Variants in DESI1 observed in about 807,000 individuals in gnomAD.
DESI1 encodes desumoylating isopeptidase 1.
DESI1 carries 17 observed loss-of-function variants against 22.4 expected under a neutral mutation model. The ratio of observed to expected loss-of-function variants is 0.76; its 90% CI spans 0.52 to 1.14. The LOEUF (loss-of-function observed/expected upper bound fraction) is 1.14, where lower values mean the gene tolerates loss of function less well. DESI1 is among the 50% of genes most tolerant of loss of function. DESI1 has a pLI of 0.00. For missense variants in DESI1, 177 were observed against 208.9 expected (o/e 0.85, Z 0.94); for synonymous variants, 92 against 84.2 (o/e 1.09, Z -0.51).
At chr22:41,608,039 T>C (rs1360190463) in intron 1 of DESI1, among the ~76,000 whole-genome samples, 178 bp from the exon 2 acceptor site, 1 of 152,214 alleles carries the variant, frequency 6.6e-6, no homozygotes, top group Non-Finnish European at 1.5e-5. Flanking sequence ...TGTAAGTAAG[T>C]TGAAAAGTAA....
chr22:41,612,130 G>A (rs563038160), intron 1 of DESI1, among the ~76,000 whole-genome samples: 1 of 152,170 alleles, frequency 6.6e-6, no homozygotes, highest in African/African-American at 2.4e-5. Flanking sequence ...CTTACTAGGT[G>A]GGGGGAGGGG....
chr22:41,617,034 G>A (rs1202146433), intron 1 of DESI1, among the ~76,000 whole-genome samples: 2 of 152,226 alleles, frequency 1.3e-5, no homozygotes, highest in Non-Finnish European at 2.9e-5. Flanking sequence ...TAGATTGTAA[G>A]TGGCACATAC....
At chr22:41,602,536 T>G in intron 5 of DESI1, 1 of 985,440 alleles carries the variant, frequency 1.0e-6, no homozygotes, top group East Asian at 1.1e-4. Context: ...GGATCTCTGT[T>G]AAATAAGGCC....
intron 1 of DESI1, among the ~76,000 whole-genome samples, chr22:41,611,479 T>C (rs911925612): frequency 5.3e-5 from 8 of 152,192 alleles, no homozygotes; most frequent in Non-Finnish European, 1.0e-4. Context: ...TGAACTGTCA[T>C]TTATAAATCA....
At chr22:41,604,240 T>C (rs1601509074) in intron 3 of DESI1, 87 bp from the exon 4 acceptor site, 1 of 642,842 alleles carries the variant, frequency 1.6e-6, no homozygotes, top group Non-Finnish European at 2.5e-6. Context: ...CCACAAACAC[T>C]CTGTTCTGAC....
intron 1 of DESI1, among the ~76,000 whole-genome samples, chr22:41,617,831 G>C (rs1386269283): frequency 6.6e-6 from 1 of 152,140 alleles, no homozygotes; most frequent in Admixed American, 6.5e-5. Flanking sequence ...GAGTGGGAAG[G>C]GGGCAGGTCT....
chr22:41,610,613 C>G (rs994011703), intron 1 of DESI1, among the ~76,000 whole-genome samples: 1 of 152,118 alleles, frequency 6.6e-6, no homozygotes, highest in African/African-American at 2.4e-5. Flanking sequence ...ATCTGCTGCT[C>G]TGGCCCGGAA....
At chr22:41,615,146 C>T (rs1229036479) in intron 1 of DESI1, among the ~76,000 whole-genome samples, 10 of 147,158 alleles carry the variant, frequency 6.8e-5, no homozygotes, top group Non-Finnish European at 1.3e-4. Context: ...AAAAAAAATA[C>T]AGGCCGGGCG....
At chr22:41,602,197 AAAGGAATG>A in intron 5 of DESI1, 11 of 984,856 alleles carry the variant, frequency 1.1e-5, no homozygotes, top group Non-Finnish European at 1.2e-5. Flanking sequence ...CTCCAAGTTT[AAAGGAATG>A]AAGTACTCCA....
At chr22:41,611,303 C>T (rs1475508372) in intron 1 of DESI1, among the ~76,000 whole-genome samples, 1 of 151,986 alleles carries the variant, frequency 6.6e-6, no homozygotes, top group Admixed American at 6.6e-5. Context: ...CAGCTAATTT[C>T]TGTATTTTTA....
At chr22:41,614,520 G>A (rs1050338147) in intron 1 of DESI1, among the ~76,000 whole-genome samples, 5 of 151,036 alleles carry the variant, frequency 3.3e-5, no homozygotes, top group Non-Finnish European at 7.4e-5. Context: ...CGGGGTTCAA[G>A]TGATTCTTCT....
chr22:41,613,011 C>T, intron 1 of DESI1, among the ~76,000 whole-genome samples: 1 of 152,226 alleles, frequency 6.6e-6, no homozygotes, highest in East Asian at 1.9e-4. Context: ...TAATGGAGGA[C>T]CAGATCACAG....
rs886416555 is a variant in DESI1 at position 41,619,140 on chromosome 22, G to T, written c.88+1612C>A. Among the ~76,000 whole-genome samples, 6 of 151,888 alleles carry T rather than the reference G, an allele frequency of 4.0e-5. No homozygotes were observed. In the South Asian group the frequency reaches 1.0e-3, roughly 26 times the overall value. On this transcript the variant is annotated intron_variant, in intron 1 of 5. Coordinates refer to ENST00000263256, the MANE Select transcript of DESI1 (RefSeq NM_015704.3). ...GAGTAACAGCTTCCTCAGTGACTTTGTAAGTTTTGCTTTCAGATGTGCCTC... is the reference window on the plus strand; with the variant it reads ...GAGTAACAGCTTCCTCAGTGACTTTTTAAGTTTTGCTTTCAGATGTGCCTC...
In DESI1 at chr22:41,620,937, G is replaced by A. The variant is rs2067590868; in HGVS notation, c.-98C>T. The A allele has an allele frequency of 7.1e-7, 1 of 1,409,918 alleles. No individual in the cohort carries two copies. Among genetic ancestry groups the A allele is most frequent in the African/African-American group, 1.4e-5 (1 of 69,258 alleles). 87.3% of individuals were successfully genotyped at this position (1,409,918 alleles called of 1,614,324 possible). On this transcript the variant is annotated 5_prime_UTR_variant, in exon 1 of 6. Transcript: ENST00000263256. ...CGGGAGTGCGAAGCGGAGGGAGAGG[G>A]GGGGACCGAGCCCGGGCCCGGGCTG...
In DESI1 at chr22:41,607,905, G is replaced by A. The variant is rs186935063; in HGVS notation, c.89-44C>T. The A allele has an allele frequency of 1.2e-5, 19 of 1,612,110 alleles. No individual in the cohort carries two copies. In the East Asian group the frequency reaches 3.3e-4, roughly 28 times the overall value. ...ATTTAGCCACTTGGGACTAGAATAA[G>A]TGGCCCCTCAGCCTTGGTAAATTCA... On this transcript the variant is annotated intron_variant, in intron 1 of 5. Transcript: ENST00000263256.
At chr22:41,604,174 G>A (rs773709647) in intron 3 of DESI1, 21 bp from the exon 4 acceptor site, 7 of 1,609,270 alleles carry the variant, frequency 4.3e-6, no homozygotes, top group Non-Finnish European at 5.1e-6. Flanking sequence ...CAACCCAAAG[G>A]AAGTCATTAA....
chr22:41,614,507 C>T (rs978424744), intron 1 of DESI1, among the ~76,000 whole-genome samples: 1 of 151,496 alleles, frequency 6.6e-6, no homozygotes, highest in Admixed American at 6.6e-5. Context: ...CAACCTCCGT[C>T]TCCGGGGTTC....
At chr22:41,615,601 G>GA (rs1012559895) in intron 1 of DESI1, among the ~76,000 whole-genome samples, 60 of 152,262 alleles carry the variant, frequency 3.9e-4, no homozygotes, top group East Asian at 1.9e-3. Flanking sequence ...CATTAAAACA[G>GA]AAAAAACCTC....
At chr22:41,619,379 G>C (rs1352409983) in intron 1 of DESI1, among the ~76,000 whole-genome samples, 1 of 152,162 alleles carries the variant, frequency 6.6e-6, no homozygotes, top group Non-Finnish European at 1.5e-5. Context: ...CAGGTCCAGA[G>C]GTAAGAAACA....
Sources: gnomAD v4.1 joint callset for allele counts (sites outside exome capture counted in the v4.1 genomes callset) on GRCh38, gnomAD v4.1.1 for gene constraint, MANE v1.5 for transcripts, NCBI Gene and HGNC (gene_info 2026-07-23, HGNC 2026-07-21) for gene names.